CCDC85C: variants seen among roughly 807,000 people sequenced by gnomAD.
The protein encoded by CCDC85C is coiled-coil domain containing 85C.
Under a neutral mutation model 38.3 loss-of-function variants are expected in CCDC85C, and 18 were observed. The observed-to-expected ratio is 0.47, with a 90% CI of 0.33 to 0.70. CCDC85C has a LOEUF of 0.70. Ranked by LOEUF, CCDC85C falls within the 30% of genes least tolerant of loss-of-function variation. The pLI, the probability that CCDC85C is intolerant of heterozygous loss-of-function variation, is 0.03. For synonymous variants in CCDC85C, 264 were observed against 293.8 expected, an observed-to-expected ratio of 0.90 and a Z score of 1.04; for missense variants, 566 against 621.2, an observed-to-expected ratio of 0.91 and a Z score of 0.94.
In CCDC85C at chr14:99,510,182, C is replaced by G. The variant is rs1443902021; in HGVS notation, c.*5064G>C. ...ACCGGAAGCCTCCCCTCGCTGCTGC[C>G]TTAGGTGAGGCTGAGCCGCCGGGCC... On this transcript the variant is annotated 3_prime_UTR_variant, in exon 6 of 6. Transcript: ENST00000380243. The G allele has an allele frequency of 6.3e-7, 1 of 1,599,374 alleles. No homozygotes were observed. Among genetic ancestry groups the G allele is most frequent in the Admixed American group, 1.7e-5 (1 of 59,002 alleles).
Position 99,510,784 on chromosome 14 carries a change from G to A in CCDC85C, c.*4462C>T, listed in dbSNP as rs753953415. On this transcript the variant is annotated 3_prime_UTR_variant, in exon 6 of 6. Coordinates refer to ENST00000380243, the MANE Select transcript of CCDC85C (RefSeq NM_001144995.2). ...GGGCGGGCAGCCTGGATGAGATAAC[G>A]TGAGCCTTTTTTCCCTCTTTGTTTT... 12 of 1,431,976 alleles carry A rather than the reference G, an allele frequency of 8.4e-6. No individual in the cohort carries two copies. Among genetic ancestry groups the A allele is most frequent in the South Asian group, 5.3e-5 (3 of 56,120 alleles). The allele number at this position is 1,431,976 out of a possible 1,614,324, so 88.7% of individuals were successfully genotyped here.
intron 1 of CCDC85C, among the ~76,000 whole-genome samples, chr14:99,546,331 C>G (rs1233852603): frequency 1.3e-5 from 2 of 152,000 alleles, no homozygotes; most frequent in Non-Finnish European, 2.9e-5. Flanking sequence ...TGGGACATCT[C>G]AGCCACATGC....
At chr14:99,581,385 C>T (rs1056330763) in intron 1 of CCDC85C, among the ~76,000 whole-genome samples, 1 of 152,226 alleles carries the variant, frequency 6.6e-6, no homozygotes, top group African/African-American at 2.4e-5. Context: ...TGAAGACAAC[C>T]GTGGAAGTTC....
chr14:99,589,107 A>G (rs935914340), intron 1 of CCDC85C, among the ~76,000 whole-genome samples: 12 of 152,008 alleles, frequency 7.9e-5, no homozygotes, highest in Admixed American at 7.2e-4. Flanking sequence ...CAACAGAGTA[A>G]GCCCTGAGGA....
intron 1 of CCDC85C, among the ~76,000 whole-genome samples, chr14:99,594,747 C>T (rs1180242444): frequency 6.6e-6 from 1 of 150,490 alleles, no homozygotes; most frequent in Non-Finnish European, 1.5e-5. Context: ...AAATGAGGGC[C>T]CAGGGAGAGG....
At chr14:99,568,361 G>A (rs886725501) in intron 1 of CCDC85C, among the ~76,000 whole-genome samples, 1 of 148,690 alleles carries the variant, frequency 6.7e-6, no homozygotes, top group Non-Finnish European at 1.5e-5. Flanking sequence ...CATTTCTAAA[G>A]GGCTGGAGTG....
At chr14:99,555,201 G>A (rs1897987660) in intron 1 of CCDC85C, among the ~76,000 whole-genome samples, 1 of 152,222 alleles carries the variant, frequency 6.6e-6, no homozygotes, top group Admixed American at 6.5e-5. Flanking sequence ...TGACAGCCCA[G>A]CTGCTGAGAA....
At chr14:99,574,204 G>A (rs953074389) in intron 1 of CCDC85C, among the ~76,000 whole-genome samples, 12 of 152,044 alleles carry the variant, frequency 7.9e-5, no homozygotes, top group African/African-American at 2.7e-4. Flanking sequence ...TCTCTGACCC[G>A]CCACCTGCCC....
chr14:99,543,852 G>A (rs982179512), intron 1 of CCDC85C, among the ~76,000 whole-genome samples: 1 of 152,074 alleles, frequency 6.6e-6, no homozygotes, highest in Non-Finnish European at 1.5e-5. Flanking sequence ...TCGGGTTCCT[G>A]TGAGGACAGC....
rs746622982 is a variant in CCDC85C, at chr14:99,508,243, T to G, written c.*7003A>C. On this transcript the variant is annotated 3_prime_UTR_variant, in exon 6 of 6. Coordinates refer to ENST00000380243, the MANE Select transcript of CCDC85C (RefSeq NM_001144995.2). Reference sequence around the variant, plus strand: ...CAAAACCCCCAATTCAATATGAACCTTACTTAAATGCCTGTGGTTGCTCAT... The same window carrying G: ...CAAAACCCCCAATTCAATATGAACCGTACTTAAATGCCTGTGGTTGCTCAT... The G allele has an allele frequency of 1.3e-5, 2 of 152,276 alleles. No homozygotes were observed. The highest frequency in any genetic ancestry group is 1.5e-5 in the Non-Finnish European group (1 of 68,054). The allele number at this position is 152,276 out of a possible 1,614,324, so 9.4% of individuals were successfully genotyped here.
intron 2 of CCDC85C, chr14:99,534,871 C>T: frequency 1.6e-6 from 1 of 614,764 alleles, no homozygotes; most frequent in Non-Finnish European, 2.9e-6. Context: ...CCAGCCTTGC[C>T]ATTCAGAGCT....
chr14:99,597,358 A>G (rs1315604114), intron 1 of CCDC85C, among the ~76,000 whole-genome samples: 1 of 152,202 alleles, frequency 6.6e-6, no homozygotes, highest in Non-Finnish European at 1.5e-5. Context: ...TGGATTGAAC[A>G]CACACATTCA....
chr14:99,582,680 G>A (rs977478845), intron 1 of CCDC85C, among the ~76,000 whole-genome samples: 1 of 152,158 alleles, frequency 6.6e-6, no homozygotes, highest in Non-Finnish European at 1.5e-5. Flanking sequence ...CAGGTGTGGT[G>A]GCGCACGCCT....
At chr14:99,561,276 G>A (rs12884208) in intron 1 of CCDC85C, among the ~76,000 whole-genome samples, 86,016 of 152,072 alleles carry the variant, frequency 0.57, 25,057 homozygotes, top group African/African-American at 0.71. Flanking sequence ...GGGAGACCCA[G>A]TGTCCAGGAA....
intron 1 of CCDC85C, among the ~76,000 whole-genome samples, chr14:99,557,871 C>T (rs6575732): frequency 0.54 from 81,958 of 151,830 alleles, 22,366 homozygotes; most frequent in African/African-American, 0.61. Context: ...TCCAAGGTCG[C>T]GCCACTGCAC....
At position 99,523,179 on chromosome 14, in the gene CCDC85C, G is replaced by A. The variant is rs565045297; in HGVS notation, c.868-939C>T. On this transcript the variant is annotated intron_variant, in intron 2 of 5. Transcript: ENST00000380243. The stretch of plus-strand genomic sequence containing the variant: ...TTGAGTTACCCAAACAAACTGCAGG[G>A]GCAGGGGAGGCCCAGGCTGGGGCTG... 9.4e-4 allele frequency among the ~76,000 whole-genome samples: 143 copies of A among 152,202 alleles called. 2 individuals carry two copies. The highest frequency in any genetic ancestry group is 9.1e-3 in the Admixed American group (140 of 15,304).
At chr14:99,522,867 C>T (rs1292960499) in intron 2 of CCDC85C, 1 of 152,258 alleles carries the variant, frequency 6.6e-6, no homozygotes, top group Non-Finnish European at 1.5e-5. Flanking sequence ...TGGCCTTAGA[C>T]CCTTTGCTTA....
In CCDC85C at chr14:99,602,142, G is replaced by A. The variant is rs566532538; in HGVS notation, c.793+1025C>T. On this transcript the variant is annotated intron_variant, in intron 1 of 5. Coordinates refer to ENST00000380243, the MANE Select transcript of CCDC85C (RefSeq NM_001144995.2). Reference sequence around the variant, plus strand: ...GTTGCAACTACCAGCAGAACTGGAAGCCAAGCTACCAAAAAACGTGGAAGA... The same window carrying A: ...GTTGCAACTACCAGCAGAACTGGAAACCAAGCTACCAAAAAACGTGGAAGA... 2.0e-5 allele frequency among the ~76,000 whole-genome samples: 3 copies of A among 152,366 alleles called. No individual in the cohort carries two copies. In the South Asian group the frequency reaches 6.2e-4, roughly 32 times the overall value.
In CCDC85C at chr14:99,603,606, G is replaced by A. The variant is rs2055234857; in HGVS notation, c.354C>T (p.His118=). 2 of 1,453,230 alleles carry A rather than the reference G, an allele frequency of 1.4e-6. No homozygotes were observed. Among genetic ancestry groups the A allele is most frequent in the Non-Finnish European group, 1.8e-6 (2 of 1,106,224 alleles). The allele number at this position is 1,453,230 out of a possible 1,614,324, so 90.0% of individuals were successfully genotyped here. A position where few individuals can be genotyped will look rare whatever the true frequency, so the allele number is the denominator to read the frequency against. ...GCTTCTGCTGCGAGCGGGCCACCTC[G>A]TGCCACACGGCGCCGGCCGCGTGGC... is the stretch of plus-strand genomic sequence containing the variant. The part of the protein sequence containing the change: ...FGRHAAGAVW[H]EVARSQQKLR... Residue 118 remains histidine, a synonymous_variant, in exon 1 of 6, where the codon CAC becomes CAT. Transcript: ENST00000380243. The surrounding 1 kb of genome is among the most constrained non-coding windows in gnomAD (Gnocchi z 7.5).
Sources: allele counts gnomAD v4.1 joint callset (sites outside exome capture counted in the v4.1 genomes callset), GRCh38; gene constraint gnomAD v4.1.1; non-coding constraint Gnocchi (gnomAD v3.1); transcripts MANE v1.5; gene names NCBI Gene and HGNC (gene_info 2026-07-23, HGNC 2026-07-21).